ZMAT4: variants seen among roughly 807,000 people sequenced by gnomAD.
ZMAT4 encodes zinc finger matrin-type 4, also known as zinc finger matrin-type protein 4.
ZMAT4 carries 17 observed loss-of-function variants against 28.7 expected under a neutral mutation model. That is an observed-to-expected ratio of 0.59 (90% CI 0.41 to 0.89). ZMAT4 has a LOEUF of 0.89. Among genes scored for constraint, ZMAT4 ranks in the 40% least tolerant of loss-of-function variants. The pLI is 0.00. For missense variants in ZMAT4, 240 were observed against 283.8 expected, an observed-to-expected ratio of 0.85 and a Z score of 1.11; for synonymous variants, 117 against 109.2, an observed-to-expected ratio of 1.07 and a Z score of -0.44.
intron 1 of ZMAT4, among the ~76,000 whole-genome samples, chr8:40,853,790 G>A (rs919286691): frequency 6.6e-6 from 1 of 152,156 alleles, no homozygotes; most frequent in South Asian, 2.1e-4. Flanking sequence ...GGCAAATAAT[G>A]TTTTAACATC....
At chr8:40,846,602 C>T (rs1351193742) in intron 1 of ZMAT4, among the ~76,000 whole-genome samples, 1 of 152,166 alleles carries the variant, frequency 6.6e-6, no homozygotes, top group African/African-American at 2.4e-5. Context: ...AGCGTCGTTC[C>T]ACCTCACTCC....
At chr8:40,760,706 G>GTCTCTC (rs56024719) in intron 3 of ZMAT4, among the ~76,000 whole-genome samples, 24,712 of 142,286 alleles carry the variant, frequency 0.17, 2,330 homozygotes, top group Admixed American at 0.26. Flanking sequence ...CTCTGTCACA[G>GTCTCTC]TCTCTCTCTC....
intron 5 of ZMAT4, among the ~76,000 whole-genome samples, chr8:40,636,828 T>G (rs576927013): frequency 6.6e-6 from 1 of 152,274 alleles, no homozygotes; most frequent in Non-Finnish European, 1.5e-5. Context: ...CAATTTTAAT[T>G]CCACCAAATT....
intron 5 of ZMAT4, among the ~76,000 whole-genome samples, chr8:40,607,575 T>C (rs1214679608): frequency 2.0e-5 from 3 of 152,092 alleles, no homozygotes; most frequent in Non-Finnish European, 4.4e-5. Context: ...CCAAGCCAAA[T>C]GTGATTTCTT....
In ZMAT4 at chr8:40,708,024, G is replaced by A. The variant is rs570638009; in HGVS notation, c.193-10623C>T. 8.5e-5 allele frequency among the ~76,000 whole-genome samples: 13 copies of A among 152,094 alleles called. No homozygotes were observed. The South Asian group carries it at 2.5e-3, about 29-fold the overall frequency. ...TCCCAAATAAAAATAGAACTAGAAA[G>A]GCAAATAAAAAACTCACAGATAATA... On this transcript the variant is annotated intron_variant, in intron 3 of 6. Coordinates refer to ENST00000297737, the MANE Select transcript of ZMAT4 (RefSeq NM_024645.3).
chr8:40,696,071 T>C (rs961399373), intron 4 of ZMAT4, among the ~76,000 whole-genome samples: 3 of 152,112 alleles, frequency 2.0e-5, no homozygotes, highest in African/African-American at 7.2e-5. Context: ...GGAGTTTCAA[T>C]TGACTGGCTG....
chr8:40,775,062 C>T (rs1813534374), intron 2 of ZMAT4, among the ~76,000 whole-genome samples: 1 of 152,164 alleles, frequency 6.6e-6, no homozygotes, highest in Non-Finnish European at 1.5e-5. Context: ...GAGATTATAT[C>T]TGTTGGTTTC....
At chr8:40,541,658 C>T (rs1803032910) in intron 6 of ZMAT4, among the ~76,000 whole-genome samples, 1 of 152,062 alleles carries the variant, frequency 6.6e-6, no homozygotes, top group Non-Finnish European at 1.5e-5. Context: ...CTGAAAGTGT[C>T]TGAAATCAGA....
chr8:40,756,426 TTATATATATATATATATA>T (rs72008675), intron 3 of ZMAT4, among the ~76,000 whole-genome samples: 3 of 73,276 alleles, frequency 4.1e-5, no homozygotes, highest in Non-Finnish European at 7.2e-5. Context: ...AAATGTTCTT[TTATATATATATATATATA>T]TATATATATA....
At chr8:40,621,468 A>C (rs1806195385) in intron 5 of ZMAT4, among the ~76,000 whole-genome samples, 1 of 152,212 alleles carries the variant, frequency 6.6e-6, no homozygotes, top group Non-Finnish European at 1.5e-5. Context: ...GATAATTTGC[A>C]AAGATCCAGG....
intron 2 of ZMAT4, among the ~76,000 whole-genome samples, chr8:40,769,950 T>C (rs1465589257): frequency 6.6e-6 from 1 of 152,086 alleles, no homozygotes; most frequent in Non-Finnish European, 1.5e-5. Flanking sequence ...TATGAAGCCA[T>C]TAGTGATGTG....
chr8:40,614,642 G>A (rs1468997454), intron 5 of ZMAT4, among the ~76,000 whole-genome samples: 1 of 152,176 alleles, frequency 6.6e-6, no homozygotes, highest in African/African-American at 2.4e-5. Context: ...AGGATAGTTA[G>A]CTCTTCTTGT....
chr8:40,549,166 C>T (rs1010202018), intron 6 of ZMAT4, among the ~76,000 whole-genome samples: 2 of 152,072 alleles, frequency 1.3e-5, no homozygotes, highest in Admixed American at 6.5e-5. Flanking sequence ...AGGAATGGGC[C>T]CTCACCAGAC....
At chr8:40,542,558 G>A (rs2118385163) in intron 6 of ZMAT4, among the ~76,000 whole-genome samples, 1 of 151,876 alleles carries the variant, frequency 6.6e-6, no homozygotes, top group South Asian at 2.1e-4. Context: ...CCAGCTAAGT[G>A]TTTTATTTTT....
chr8:40,669,171 G>T (rs1010751035), intron 5 of ZMAT4, among the ~76,000 whole-genome samples: 3 of 152,118 alleles, frequency 2.0e-5, no homozygotes, highest in African/African-American at 7.2e-5. Flanking sequence ...GGAAGTGAGT[G>T]CATCTGAGCC....
chr8:40,781,941 C>T (rs539715529), intron 2 of ZMAT4, among the ~76,000 whole-genome samples: 1 of 152,132 alleles, frequency 6.6e-6, no homozygotes, highest in Non-Finnish European at 1.5e-5. Flanking sequence ...CAGAAGTTAA[C>T]TCAAAATGTA....
At chr8:40,696,082 C>T (rs931875581) in intron 4 of ZMAT4, among the ~76,000 whole-genome samples, 1 of 152,014 alleles carries the variant, frequency 6.6e-6, no homozygotes, top group African/African-American at 2.4e-5. Context: ...TGACTGGCTG[C>T]TTGTCAAAGG....
intron 3 of ZMAT4, among the ~76,000 whole-genome samples, chr8:40,709,637 G>T (rs1031951792): frequency 2.0e-5 from 3 of 152,182 alleles, no homozygotes; most frequent in Middle Eastern, 3.2e-3. Context: ...GAGAAAACAG[G>T]CCAGAACTCA....
At chr8:40,665,826 C>T (rs898991395) in intron 5 of ZMAT4, among the ~76,000 whole-genome samples, 5 of 152,080 alleles carry the variant, frequency 3.3e-5, no homozygotes, top group African/African-American at 1.2e-4. Context: ...AGTCACTTCA[C>T]GTCTCTGGGC....
Sources: allele counts gnomAD v4.1 joint callset (sites outside exome capture counted in the v4.1 genomes callset), GRCh38; gene constraint gnomAD v4.1.1; transcripts MANE v1.5; gene names NCBI Gene and HGNC (gene_info 2026-07-23, HGNC 2026-07-21).